The following ITFG1 variants were observed in gnomAD, a reference collection of about 807,000 sequenced individuals.
The protein encoded by ITFG1 is T-cell immunomodulatory protein.
ITFG1 carries 34 observed loss-of-function variants against 81.8 expected under a neutral mutation model. That is an observed-to-expected ratio of 0.42 (90% CI 0.32 to 0.55). The LOEUF is 0.55. Among genes scored for constraint, ITFG1 ranks in the 20% least tolerant of loss-of-function variants. The probability of loss-of-function intolerance (pLI) is 0.17; values close to 1 mark genes in which losing one functional copy is unlikely to be tolerated. For synonymous variants in ITFG1, 285 were observed against 270.6 expected, an observed-to-expected ratio of 1.05 and a Z score of -0.52; for missense variants, 672 against 755.4, an observed-to-expected ratio of 0.89 and a Z score of 1.29.
At chr16:47,429,972 T>G (rs1167707408) in intron 5 of ITFG1, among the ~76,000 whole-genome samples, 1 of 151,918 alleles carries the variant, frequency 6.6e-6, no homozygotes, top group Non-Finnish European at 1.5e-5. Flanking sequence ...TGGTGCGTTT[T>G]AAGAGTTCTT....
chr16:47,240,071 C>T (rs1965916014), intron 12 of ITFG1, among the ~76,000 whole-genome samples: 1 of 150,032 alleles, frequency 6.7e-6, no homozygotes, highest in African/African-American at 2.5e-5. Flanking sequence ...GTGGGTGGAT[C>T]ACTTGAGCTC....
intron 8 of ITFG1, among the ~76,000 whole-genome samples, chr16:47,342,004 G>C (rs959449146): frequency 6.6e-6 from 1 of 152,100 alleles, no homozygotes; most frequent in Admixed American, 6.5e-5. Context: ...AGAAGAATTA[G>C]CATCAAACCT....
chr16:47,229,579 C>T (rs1317933497), intron 13 of ITFG1, among the ~76,000 whole-genome samples: 1 of 149,714 alleles, frequency 6.7e-6, no homozygotes, highest in Non-Finnish European at 1.5e-5. Context: ...TGAAGGATAG[C>T]TTAGATAACT....
chr16:47,377,259 A>G (rs1285319868), intron 6 of ITFG1, among the ~76,000 whole-genome samples: 3 of 152,166 alleles, frequency 2.0e-5, no homozygotes, highest in Non-Finnish European at 4.4e-5. Context: ...CATGTATCAA[A>G]TAGCTCTGTA....
chr16:47,414,760 T>G (rs954764263), intron 6 of ITFG1, among the ~76,000 whole-genome samples: 1 of 152,200 alleles, frequency 6.6e-6, no homozygotes, highest in Non-Finnish European at 1.5e-5. Flanking sequence ...TTGCCTCTCC[T>G]TTATATACTT....
At chr16:47,311,444 T>C (rs766678623) in intron 9 of ITFG1, 32 bp from the exon 10 acceptor site, 15 of 1,482,948 alleles carry the variant, frequency 1.0e-5, no homozygotes, top group Non-Finnish European at 1.4e-5. Context: ...TCAGACTTTA[T>C]AGTTATTTTA....
intron 8 of ITFG1, 43 bp downstream of exon 8, chr16:47,365,745 G>A (rs1332190557): frequency 8.8e-7 from 1 of 1,142,736 alleles, no homozygotes; most frequent in Non-Finnish European, 1.3e-6. Context: ...GGAGAGAATT[G>A]GAAAGGCAAA....
At chr16:47,423,290 G>T (rs1968975691) in intron 6 of ITFG1, among the ~76,000 whole-genome samples, 1 of 142,750 alleles carries the variant, frequency 7.0e-6, no homozygotes. Context: ...TTGCTAGGTA[G>T]ATTTTCCTCC....
chr16:47,422,472 C>T (rs574132393), intron 6 of ITFG1, among the ~76,000 whole-genome samples: 344 of 152,258 alleles, frequency 2.3e-3, no homozygotes, highest in Non-Finnish European at 2.1e-3. Context: ...TATGTCTCTG[C>T]CAGGCTTTGG....
At chr16:47,331,451 T>C (rs940251349) in intron 8 of ITFG1, among the ~76,000 whole-genome samples, 3 of 151,884 alleles carry the variant, frequency 2.0e-5, no homozygotes, top group Non-Finnish European at 4.4e-5. Context: ...ATGCAACAAA[T>C]CTGCACATGG....
chr16:47,317,607 C>G (rs1167511858), intron 8 of ITFG1: 1 of 152,140 alleles, frequency 6.6e-6, no homozygotes, highest in African/African-American at 2.4e-5. Flanking sequence ...TCTTAGGCTC[C>G]TGCCCAGATC....
chr16:47,327,863 A>T (rs1476536849), intron 8 of ITFG1, among the ~76,000 whole-genome samples: 1 of 152,050 alleles, frequency 6.6e-6, no homozygotes, highest in African/African-American at 2.4e-5. Flanking sequence ...AGGAACACTT[A>T]CACTGTTGGT....
chr16:47,192,421 C>T (rs754502818), intron 14 of ITFG1, among the ~76,000 whole-genome samples: 11 of 152,190 alleles, frequency 7.2e-5, no homozygotes, highest in Non-Finnish European at 1.2e-4. Flanking sequence ...TTGTTATTGA[C>T]TTCTTCATCC....
At chr16:47,210,891 C>T (rs1275963133) in intron 14 of ITFG1, among the ~76,000 whole-genome samples, 1 of 152,090 alleles carries the variant, frequency 6.6e-6, no homozygotes, top group Admixed American at 6.6e-5. Flanking sequence ...CGAATTCCAC[C>T]TATTTTATTC....
chr16:47,441,442 C>A (rs1397800713), intron 5 of ITFG1, among the ~76,000 whole-genome samples: 1 of 152,160 alleles, frequency 6.6e-6, no homozygotes, highest in Admixed American at 6.5e-5. Context: ...AAAATACTGG[C>A]AAACCGAATC....
intron 5 of ITFG1, among the ~76,000 whole-genome samples, chr16:47,442,609 T>C (rs534014532): frequency 6.6e-6 from 1 of 152,222 alleles, no homozygotes; most frequent in South Asian, 2.1e-4. Context: ...TATCTACAAC[T>C]ATCTGATCTT....
At chr16:47,347,833 C>T (rs902559010) in intron 8 of ITFG1, among the ~76,000 whole-genome samples, 1 of 152,198 alleles carries the variant, frequency 6.6e-6, no homozygotes, top group Non-Finnish European at 1.5e-5. Flanking sequence ...CCGGGTACCC[C>T]TCTGAGACGG....
intron 10 of ITFG1, among the ~76,000 whole-genome samples, chr16:47,271,863 A>G (rs907443095): frequency 2.6e-5 from 4 of 151,794 alleles, no homozygotes; most frequent in Non-Finnish European, 5.9e-5. Flanking sequence ...CATCTCAAAA[A>G]CAAACAAACA....
intron 6 of ITFG1, among the ~76,000 whole-genome samples, chr16:47,386,453 C>T (rs530071215): frequency 6.6e-6 from 1 of 152,272 alleles, no homozygotes; most frequent in African/African-American, 2.4e-5. Context: ...TTTCTCATCT[C>T]CTCCTGCTAT....
Sources: gnomAD v4.1 joint callset for allele counts (sites outside exome capture counted in the v4.1 genomes callset) on GRCh38, gnomAD v4.1.1 for gene constraint, MANE v1.5 for transcripts, NCBI Gene and HGNC (gene_info 2026-07-23, HGNC 2026-07-21) for gene names.